Variants in AGBL5 observed in about 807,000 individuals in gnomAD.
AGBL5 encodes the protein cytosolic carboxypeptidase-like protein 5.
AGBL5 carries 51 observed loss-of-function variants against 88.0 expected under a neutral mutation model. The ratio of observed to expected loss-of-function variants is 0.58; its 90% CI spans 0.46 to 0.73. The LOEUF (loss-of-function observed/expected upper bound fraction) is 0.73. Ranked by LOEUF, AGBL5 falls within the 30% of genes least tolerant of loss-of-function variation. The pLI, the probability that AGBL5 is intolerant of heterozygous loss-of-function variation, is 0.00. For synonymous variants in AGBL5, 446 were observed against 438.8 expected, an observed-to-expected ratio of 1.02 and a Z score of -0.21; for missense variants, 1,031 against 1,162.2, an observed-to-expected ratio of 0.89 and a Z score of 1.64.
chr2:27,070,129 CCT>C lies in AGBL5; in HGVS notation c.2528_2529del (p.Pro843ArgfsTer8). On this transcript the variant is annotated frameshift_variant, in exon 15 of 15. Coordinates refer to ENST00000360131, the MANE Select transcript of AGBL5 (RefSeq NM_021831.6). LOFTEE classifies it high-confidence loss of function. ...QARPPRPRSA[P>X]AFSPISCSLS... ...CAGGCCCCCACGGCCCCGCTCTGCC[CCT>C]GCCTTTTCTCCTATATCCTGTAGTC... 3 of 1,614,176 alleles carry C rather than the reference CCT, an allele frequency of 1.9e-6. No homozygotes were observed. The highest frequency in any genetic ancestry group is 2.5e-6 in the Non-Finnish European group (3 of 1,180,004).
Position 27,053,411 on chromosome 2 carries a change from C to T in AGBL5, c.225C>T (p.Phe75=). The change falls in exon 3 of 15, where the codon TTC becomes TTT. Residue 75 remains phenylalanine, a synonymous_variant. Transcript: ENST00000360131. This position sits in a 1 kb window ranked among gnomAD's most constrained non-coding sequence, Gnocchi z 4.9. ...TTACTCTGGTCCTCAGGTCATGGTTCTACTTCAGCGTCCGGGGAGGAATGC... is the reference window on the plus strand; with the variant it reads ...TTACTCTGGTCCTCAGGTCATGGTTTTACTTCAGCGTCCGGGGAGGAATGC... The part of the protein sequence containing the change: ...TEFENGNRSW[F]YFSVRGGMPG... 6.2e-7 allele frequency: 1 copy of T among 1,614,058 alleles called. No individual in the cohort carries two copies.
At chr2:27,070,027 G>A (rs1669201491) in intron 14 of AGBL5, 65 bp from the exon 15 acceptor site, 1 of 1,555,360 alleles carries the variant, frequency 6.4e-7, no homozygotes, top group Non-Finnish European at 8.7e-7. Context: ...CCCAGCCCCT[G>A]GTTAGCAGAA....
At chr2:27,057,507 G>A in intron 9 of AGBL5, 69 bp downstream of exon 9, 1 of 1,505,562 alleles carries the variant, frequency 6.6e-7, no homozygotes, top group Admixed American at 2.1e-5. Context: ...CACTCTTAGT[G>A]CCTGACTCTA....
At position 27,067,530 on chromosome 2, in the gene AGBL5, C is replaced by A. The variant is rs1218568792; in HGVS notation, c.2126C>A (p.Pro709His). 1 of 1,614,102 alleles carries A rather than the reference C, an allele frequency of 6.2e-7. No homozygotes were observed. Among genetic ancestry groups the A allele is most frequent in the Admixed American group, 1.7e-5 (1 of 60,006 alleles). Residue 709 changes from proline to histidine, a missense_variant, in exon 12 of 15, where the codon CCC (proline) becomes CAC (histidine). Pro to His is a moderately conservative substitution (Grantham distance 77). This residue lies in a region of AGBL5 where 491 missense variants were observed against 484.0 expected (regional missense o/e 1.01). Transcript: ENST00000360131. Reference sequence around the variant, plus strand: ...CAGGACAGGAGACGGCAGCAGCAGCCCCTGAACCATCGTCCTGCAGGCAGC... The same window carrying A: ...CAGGACAGGAGACGGCAGCAGCAGCACCTGAACCATCGTCCTGCAGGCAGC... ...RSQDRRRQQQ[P>H]LNHRPAGSLA... is the part of the protein sequence containing the mutation.
At chr2:27,051,208 G>A (rs570853940), upstream of AGBL5, among the ~76,000 whole-genome samples, 5 of 152,288 alleles carry the variant, frequency 3.3e-5, no homozygotes, top group South Asian at 2.1e-4. Flanking sequence ...GAACTAAGCA[G>A]CAGGCGGGGG....
intron 7 of AGBL5, 95 bp downstream of exon 7, chr2:27,056,233 CTTTCTGGA>C: frequency 3.6e-6 from 5 of 1,384,810 alleles, no homozygotes; most frequent in Non-Finnish European, 4.9e-6. Flanking sequence ...CCTTAGGTAG[CTTTCTGGA>C]AGGAAGGCCT....
rs1255874125 is a variant in AGBL5, at chr2:27,056,799, T to G, written c.1535+7T>G. 1.3e-6 allele frequency: 2 copies of G among 1,594,522 alleles called. No individual in the cohort carries two copies. Among genetic ancestry groups the G allele is most frequent in the South Asian group, 2.3e-5 (2 of 88,758 alleles). ...CCTCAGGGATAATCCACAGGTTGGG[T>G]GGAAGCTGAGATATAGTTGATGAAA... is the stretch of plus-strand genomic sequence containing the variant. On this transcript the variant is annotated splice_region_variant and intron_variant, in intron 8 of 14. Coordinates refer to ENST00000360131, the MANE Select transcript of AGBL5 (RefSeq NM_021831.6).
chr2:27,068,480 G>A (rs1044578878), intron 12 of AGBL5, 152 bp from the exon 13 acceptor site: 27 of 633,126 alleles, frequency 4.3e-5, no homozygotes, highest in East Asian at 3.9e-4. Context: ...GGGATGCTGC[G>A]AAACATCCTA....
At chr2:27,065,457 G>A (rs1164554283) in intron 11 of AGBL5, among the ~76,000 whole-genome samples, 3 of 152,182 alleles carry the variant, frequency 2.0e-5, no homozygotes, top group African/African-American at 4.8e-5. Context: ...AGCTCATGGT[G>A]TCTGCTGTTC....
At chr2:27,059,098 A>C (rs1304789369) in intron 10 of AGBL5, 92 bp from the exon 11 acceptor site, 2 of 1,285,416 alleles carry the variant, frequency 1.6e-6, no homozygotes, top group East Asian at 4.6e-5. Flanking sequence ...TTTTTACCCC[A>C]GAGGTGAAGC....
chr2:27,063,735 G>A (rs1013919826), intron 11 of AGBL5, among the ~76,000 whole-genome samples: 1 of 152,290 alleles, frequency 6.6e-6, no homozygotes, highest in East Asian at 1.9e-4. Flanking sequence ...TGACACACAG[G>A]ACCTTGGCAC....
chr2:27,057,443 G>A lies in AGBL5; in HGVS notation c.1671+5G>A. ...ACTGTGGAACTATTTGAGCAGGTATGAATACATGGTGTAAGTGGGAAAAGG... is the reference window on the plus strand; with the variant it reads ...ACTGTGGAACTATTTGAGCAGGTATAAATACATGGTGTAAGTGGGAAAAGG... On this transcript the variant is annotated splice_donor_5th_base_variant and intron_variant, in intron 9 of 14. Transcript: ENST00000360131. 1.2e-6 allele frequency: 2 copies of A among 1,600,626 alleles called. No homozygotes were observed. The highest frequency in any genetic ancestry group is 1.7e-6 in the Non-Finnish European group (2 of 1,171,828).
chr2:27,056,184 TTAGGAGATGG>T (rs1490930605), intron 7 of AGBL5, 46 bp downstream of exon 7: 2 of 1,577,212 alleles, frequency 1.3e-6, no homozygotes. Flanking sequence ...GTGTTACAGG[TTAGGAGATGG>T]GGTTAGGCCA....
At position 27,059,361 on chromosome 2, in the gene AGBL5, T is replaced by A. The variant is rs34931609; in HGVS notation, c.2046T>A (p.Ser682=). The change falls in exon 11 of 15, where the codon TCT becomes TCA. Residue 682 remains serine, a synonymous_variant. Transcript: ENST00000360131. ...CTGCAGGGCTGCCAGGCCTGGGCTC[T>A]AGTACCCAAAAGGTCACCCACCGGG... is the stretch of plus-strand genomic sequence containing the variant. ...SRPAGLPGLG[S]STQKVTHRVL... The A allele has an allele frequency of 9.6e-3, 15,437 of 1,614,222 alleles. 127 individuals are homozygous for A. The highest frequency in any genetic ancestry group is 0.04 in the African/African-American group (2,988 of 75,066).
Position 27,058,517 on chromosome 2 carries a change from G to T in AGBL5, c.1789G>T (p.Val597Leu), listed in dbSNP as rs1243227548. 1 of 1,614,214 alleles carries T rather than the reference G, an allele frequency of 6.2e-7. No homozygotes were observed. Among genetic ancestry groups the T allele is most frequent in the Admixed American group, 1.7e-5 (1 of 60,028 alleles). ...TNLRAWMLKHVRNSRGLSSTL... is the reference protein window; with the variant it reads ...TNLRAWMLKHLRNSRGLSSTL... Reference sequence around the variant, plus strand: ...TCTACGGGCCTGGATGCTGAAACATGTACGCAACAGCCGAGGCCTAAGCAG... The same window carrying T: ...TCTACGGGCCTGGATGCTGAAACATTTACGCAACAGCCGAGGCCTAAGCAG... Residue 597 changes from valine to leucine, a missense_variant, in exon 10 of 15, where the codon GTA (valine) becomes TTA (leucine). Physicochemically the swap from Val to Leu is conservative, Grantham distance 32. This residue lies in a region of AGBL5 where 491 missense variants were observed against 484.0 expected (regional missense o/e 1.01). Coordinates refer to ENST00000360131, the MANE Select transcript of AGBL5 (RefSeq NM_021831.6).
intron 11 of AGBL5, among the ~76,000 whole-genome samples, chr2:27,059,769 C>T (rs1484822281): frequency 2.6e-5 from 4 of 152,186 alleles, no homozygotes; most frequent in Non-Finnish European, 2.9e-5. Flanking sequence ...TCCTCAGAAT[C>T]CAAACTGCAG....
chr2:27,051,257 A>G (rs1440558689), upstream of AGBL5, among the ~76,000 whole-genome samples: 2 of 152,190 alleles, frequency 1.3e-5, no homozygotes, highest in East Asian at 1.9e-4. Context: ...AGCATGCGAG[A>G]GGTAGCGGGA....
chr2:27,070,183 T>C lies in AGBL5; in HGVS notation c.2581T>C (p.Tyr861His), dbSNP rs771435305. 5.0e-6 allele frequency: 8 copies of C among 1,614,116 alleles called. No homozygotes were observed. Among genetic ancestry groups the C allele is most frequent in the Non-Finnish European group, 5.9e-6 (7 of 1,180,050 alleles). Reference protein sequence around the residue: ...SLSDSPSWNCYSRGPLGQPEV... With the variant: ...SLSDSPSWNCHSRGPLGQPEV... Reference sequence around the variant, plus strand: ...ATCTGACTCCCCATCCTGGAATTGTTACAGCAGGGGTCCCTTGGGCCAACC... The same window carrying C: ...ATCTGACTCCCCATCCTGGAATTGTCACAGCAGGGGTCCCTTGGGCCAACC... Residue 861 changes from tyrosine to histidine, a missense_variant, in exon 15 of 15, where the codon TAC becomes CAC. Tyr to His is a moderately conservative substitution (Grantham distance 83). Around this residue, in one of 2 missense-constraint regions of AGBL5, gnomAD observed 491 missense variants for 484.0 expected, o/e 1.01. Transcript: ENST00000360131.
intron 1 of AGBL5, 71 bp from the exon 2 acceptor site, chr2:27,052,842 C>T: frequency 1.1e-6 from 1 of 894,992 alleles, no homozygotes; most frequent in Non-Finnish European, 1.6e-6. Context: ...TCTTATTTAT[C>T]AAGAGATACC....
Sources: gnomAD v4.1 joint callset for allele counts (sites outside exome capture counted in the v4.1 genomes callset) on GRCh38, gnomAD v4.1.1 for gene constraint, gnomAD v4.1.1 regional missense constraint, Gnocchi (gnomAD v3.1) non-coding constraint, MANE v1.5 for transcripts, NCBI Gene and HGNC (gene_info 2026-07-23, HGNC 2026-07-21) for gene names.